STK4: variants seen among roughly 807,000 people sequenced by gnomAD.
STK4 encodes serine/threonine-protein kinase 4.
STK4 carries 30 observed loss-of-function variants against 64.9 expected under a neutral mutation model. That is an observed-to-expected ratio of 0.46 (90% CI 0.35 to 0.63). STK4 has a LOEUF of 0.63. Ranked by LOEUF, STK4 falls within the 20% of genes least tolerant of loss-of-function variation. The pLI, the probability that STK4 is intolerant of heterozygous loss-of-function variation, is 0.01. For missense variants in STK4, 466 were observed against 598.5 expected (o/e 0.78, Z 2.31); for synonymous variants, 177 against 199.0 (o/e 0.89, Z 0.93).
chr20:45,047,371 G>A (rs769734958), intron 10 of STK4, among the ~76,000 whole-genome samples: 1 of 152,200 alleles, frequency 6.6e-6, no homozygotes, highest in African/African-American at 2.4e-5. Context: ...TTGTTTGTGT[G>A]AGAATGGTTA....
At chr20:45,020,593 C>T (rs2068229595) in intron 9 of STK4, among the ~76,000 whole-genome samples, 1 of 152,042 alleles carries the variant, frequency 6.6e-6, no homozygotes. Flanking sequence ...TTTTATTTAA[C>T]TTGATTCATG....
rs527758142 is a variant in STK4 at position 44,993,332 on chromosome 20, A to G, written c.526-1758A>G. Among the ~76,000 whole-genome samples, 9 of 152,246 alleles carry G rather than the reference A, an allele frequency of 5.9e-5. No homozygotes were observed. In the East Asian group the frequency reaches 1.7e-3, roughly 29 times the overall value. On this transcript the variant is annotated intron_variant, in intron 5 of 10. Transcript: ENST00000372806. Reference sequence around the variant, plus strand: ...TTTTTATTGCTATGCTATTGTACTAATATAACTTTATAATACAAATCTAAG... The same window carrying G: ...TTTTTATTGCTATGCTATTGTACTAGTATAACTTTATAATACAAATCTAAG...
chr20:45,022,098 G>T (rs2068258410), intron 9 of STK4, among the ~76,000 whole-genome samples: 1 of 152,062 alleles, frequency 6.6e-6, no homozygotes, highest in Non-Finnish European at 1.5e-5. Context: ...CATAAAATTT[G>T]AGGAGAGGAA....
chr20:45,017,232 T>G (rs949368805), intron 9 of STK4, among the ~76,000 whole-genome samples: 1 of 152,244 alleles, frequency 6.6e-6, no homozygotes, highest in Non-Finnish European at 1.5e-5. Context: ...ATTATCATTA[T>G]CTAATACTTA....
In STK4 at chr20:45,079,752, T is replaced by C. The variant is rs1010458103; in HGVS notation, c.*4576T>C. 2.0e-5 allele frequency: 3 copies of C among 152,790 alleles called. No individual in the cohort carries two copies. Among genetic ancestry groups the C allele is most frequent in the Admixed American group, 6.5e-5 (1 of 15,304 alleles). 9.5% of individuals were successfully genotyped at this position (152,790 alleles called of 1,614,324 possible). On this transcript the variant is annotated 3_prime_UTR_variant, in exon 11 of 11. Coordinates refer to ENST00000372806, the MANE Select transcript of STK4 (RefSeq NM_006282.5). ...CTTAAGTGCTGACTTGAAATGCTAT[T>C]TTGTAAGGTTTGGATGTAAGTAATC...
intron 2 of STK4, among the ~76,000 whole-genome samples, chr20:44,977,287 A>C (rs887250720): frequency 8.7e-4 from 132 of 152,244 alleles, no homozygotes; most frequent in African/African-American, 3.1e-3. Context: ...TAGACTTAAA[A>C]AGTTTTATGT....
intron 3 of STK4, among the ~76,000 whole-genome samples, chr20:44,980,048 C>T (rs572458444): frequency 1.3e-5 from 2 of 152,266 alleles, no homozygotes; most frequent in East Asian, 1.9e-4. Flanking sequence ...CAGTGAAATA[C>T]AGAGCAGAGT....
chr20:45,075,370 G>A lies in STK4; in HGVS notation c.*194G>A, dbSNP rs1980433396. The A allele has an allele frequency of 1.6e-6, 1 of 632,304 alleles. No homozygotes were observed. The highest frequency in any genetic ancestry group is 2.9e-5 in the East Asian group (1 of 34,708). The allele number at this position is 632,304 out of a possible 1,614,324, so 39.2% of individuals were successfully genotyped here. A position where few individuals can be genotyped will look rare whatever the true frequency, so the allele number is the denominator to read the frequency against. ...CATCTTGATGTGTGTATGTACATTG[G>A]TCAGGTATATTATCTCAAAGGATTT... On this transcript the variant is annotated 3_prime_UTR_variant, in exon 11 of 11. Coordinates refer to ENST00000372806, the MANE Select transcript of STK4 (RefSeq NM_006282.5).
intron 1 of STK4, chr20:44,967,114 T>A (rs2145619560): frequency 1.0e-6 from 1 of 983,234 alleles, no homozygotes; most frequent in Admixed American, 6.1e-5. Flanking sequence ...GAGGAAAGGT[T>A]GAGGGTCTAG....
chr20:44,969,840 T>C (rs954250743), intron 1 of STK4, among the ~76,000 whole-genome samples: 1 of 152,230 alleles, frequency 6.6e-6, no homozygotes, highest in Admixed American at 6.5e-5. Flanking sequence ...AAAATATTAT[T>C]ATGAATCACT....
At chr20:45,026,416 A>G (rs1274428912) in intron 10 of STK4, among the ~76,000 whole-genome samples, 4 of 151,806 alleles carry the variant, frequency 2.6e-5, no homozygotes, top group Admixed American at 2.6e-4. Context: ...GATGTGAACT[A>G]TGTGAATATC....
At chr20:45,018,947 G>A (rs1201167569) in intron 9 of STK4, among the ~76,000 whole-genome samples, 1 of 152,100 alleles carries the variant, frequency 6.6e-6, no homozygotes, top group Non-Finnish European at 1.5e-5. Flanking sequence ...GCTCAGGCTA[G>A]TCTCGAACTC....
intron 10 of STK4, among the ~76,000 whole-genome samples, chr20:45,028,176 A>G (rs2068385216): frequency 1.3e-5 from 2 of 152,088 alleles, no homozygotes; most frequent in South Asian, 4.1e-4. Context: ...TTTTTTAAGG[A>G]ACCTCTATAC....
intron 10 of STK4, among the ~76,000 whole-genome samples, chr20:45,072,819 A>G (rs926477312): frequency 1.3e-5 from 2 of 152,252 alleles, no homozygotes; most frequent in Non-Finnish European, 2.9e-5. Flanking sequence ...CTTACCAATC[A>G]TATGTACAAT....
At position 45,075,144 on chromosome 20, in the gene STK4, G is replaced by A; in HGVS notation, c.1432G>A (p.Glu478Lys). ...SKRQPILDAI[E>K]AKKRRQQNF The stretch of plus-strand genomic sequence containing the variant: ...GCGGCAGCCCATCCTGGATGCCATA[G>A]AGGCTAAGAAGAGACGGCAACAAAA... Residue 478 changes from glutamate (E) to lysine (K), a missense_variant, in exon 11 of 11, where the codon GAG becomes AAG. Coordinates refer to ENST00000372806, the MANE Select transcript of STK4 (RefSeq NM_006282.5). 2 of 1,614,112 alleles carry A rather than the reference G, an allele frequency of 1.2e-6. No homozygotes were observed. The highest frequency in any genetic ancestry group is 1.7e-6 in the Non-Finnish European group (2 of 1,180,032).
chr20:44,969,203 G>T (rs2067204267), intron 1 of STK4, among the ~76,000 whole-genome samples: 1 of 152,312 alleles, frequency 6.6e-6, no homozygotes, highest in East Asian at 1.9e-4. Context: ...TTCAGCATAT[G>T]AATTGGGGTA....
At chr20:45,037,703 T>C (rs2068549430) in intron 10 of STK4, among the ~76,000 whole-genome samples, 1 of 152,260 alleles carries the variant, frequency 6.6e-6, no homozygotes, top group South Asian at 2.1e-4. Context: ...ATCTTAACCA[T>C]TCTCTCCTAG....
At position 45,060,279 on chromosome 20, in the gene STK4, C is replaced by T. The variant is rs543482285; in HGVS notation, c.1306-14739C>T. Among the ~76,000 whole-genome samples the T allele has an allele frequency of 3.9e-5, 6 of 152,292 alleles. No homozygotes were observed. In the East Asian group the frequency reaches 1.2e-3, roughly 29 times the overall value. On this transcript the variant is annotated intron_variant, in intron 10 of 10. Transcript: ENST00000372806. ...TGGGAGTTGTTGTTAGTATTTCTGA[C>T]TAATGAGCTCATAAGTCTTTTCGTT... is the stretch of plus-strand genomic sequence containing the variant.
At chr20:45,072,022 C>T (rs558386331) in intron 10 of STK4, among the ~76,000 whole-genome samples, 4 of 152,266 alleles carry the variant, frequency 2.6e-5, no homozygotes, top group African/African-American at 9.6e-5. Context: ...CCTTGGTCTC[C>T]CAGAGTGCTG....
Sources: allele counts gnomAD v4.1 joint callset (sites outside exome capture counted in the v4.1 genomes callset), GRCh38; gene constraint gnomAD v4.1.1; transcripts MANE v1.5; gene names NCBI Gene and HGNC (gene_info 2026-07-23, HGNC 2026-07-21).